Variants in ESRRG observed in about 807,000 individuals in gnomAD.
ESRRG encodes estrogen-related receptor gamma.
In ESRRG, 13 loss-of-function variants were observed where a neutral mutation model predicts 44.0. That is an observed-to-expected ratio of 0.30 (90% CI 0.19 to 0.47). The LOEUF (loss-of-function observed/expected upper bound fraction) is 0.47. ESRRG is among the 20% of genes least tolerant of loss of function. ESRRG has a pLI of 1.00. For synonymous variants in ESRRG, 215 were observed against 214.6 expected (o/e 1.00, Z -0.02); for missense variants, 395 against 580.6 (o/e 0.68, Z 3.29).
chr1:217,114,857 G>A (rs2092703362), intron 1 of ESRRG, among the ~76,000 whole-genome samples: 1 of 151,728 alleles, frequency 6.6e-6, no homozygotes, highest in Admixed American at 6.6e-5. Context: ...ATTTTTAGGG[G>A]TTTCACCATG....
intron 1 of ESRRG, among the ~76,000 whole-genome samples, chr1:217,016,374 G>A (rs2150859547): frequency 6.6e-6 from 1 of 151,896 alleles, no homozygotes; most frequent in South Asian, 2.1e-4. Context: ...TGTGATCTTG[G>A]GCAAGTAACA....
intron 1 of ESRRG, among the ~76,000 whole-genome samples, chr1:217,045,257 C>CA (rs571427407): frequency 2.0e-4 from 30 of 150,892 alleles, no homozygotes; most frequent in African/African-American, 5.6e-4. Flanking sequence ...CTAAAAGCAG[C>CA]AAAAAAAAAT....
At chr1:216,928,078 A>G (rs898187348) in intron 2 of ESRRG, among the ~76,000 whole-genome samples, 5 of 152,210 alleles carry the variant, frequency 3.3e-5, no homozygotes, top group African/African-American at 9.7e-5. Flanking sequence ...AGTCTTGACC[A>G]TGAGGGATTG....
At chr1:217,041,411 A>G (rs563331319) in intron 1 of ESRRG, among the ~76,000 whole-genome samples, 3 of 152,358 alleles carry the variant, frequency 2.0e-5, no homozygotes, top group African/African-American at 7.2e-5. Context: ...AAGAATGTCT[A>G]TAAACACACT....
intron 2 of ESRRG, among the ~76,000 whole-genome samples, chr1:216,656,924 G>T (rs1198341359): frequency 6.6e-6 from 1 of 152,084 alleles, no homozygotes; most frequent in Non-Finnish European, 1.5e-5. Context: ...AACATTAAGT[G>T]ATTTAAAAAT....
upstream of ESRRG, among the ~76,000 whole-genome samples, chr1:217,090,078 G>A (rs972491647): frequency 1.1e-4 from 17 of 152,050 alleles, no homozygotes; most frequent in African/African-American, 4.1e-4. Context: ...TTGCATTATT[G>A]CGTTTGCATA....
intron 2 of ESRRG, among the ~76,000 whole-genome samples, chr1:216,808,316 G>A (rs1048773943): frequency 2.0e-5 from 3 of 152,116 alleles, no homozygotes; most frequent in Non-Finnish European, 4.4e-5. Flanking sequence ...TACTTGGAAG[G>A]ACAAGACAAA....
intron 5 of ESRRG, among the ~76,000 whole-genome samples, chr1:216,538,607 G>C (rs2051722020): frequency 6.6e-6 from 1 of 152,030 alleles, no homozygotes; most frequent in Non-Finnish European, 1.5e-5. Flanking sequence ...GTTTGAGAGA[G>C]AAAACGCAGC....
intron 2 of ESRRG, among the ~76,000 whole-genome samples, chr1:216,752,081 T>A (rs548460260): frequency 6.6e-6 from 1 of 152,248 alleles, no homozygotes; most frequent in Non-Finnish European, 1.5e-5. Flanking sequence ...ATGTTTTCAT[T>A]CTAAGCTCAC....
At chr1:216,582,844 A>G (rs2063051894) in intron 3 of ESRRG, among the ~76,000 whole-genome samples, 1 of 152,196 alleles carries the variant, frequency 6.6e-6, no homozygotes, top group South Asian at 2.1e-4. Context: ...AAAGGATCCT[A>G]AATGCTTTTT....
At chr1:216,697,700 G>T (rs903305195) in intron 1 of ESRRG, among the ~76,000 whole-genome samples, 4 of 152,164 alleles carry the variant, frequency 2.6e-5, no homozygotes, top group African/African-American at 9.7e-5. Context: ...AAACTAACGA[G>T]GTTAGAGCCC....
At chr1:216,512,014 T>C (rs2042871159) in intron 6 of ESRRG, among the ~76,000 whole-genome samples, 1 of 152,148 alleles carries the variant, frequency 6.6e-6, no homozygotes, top group Non-Finnish European at 1.5e-5. Context: ...GTAACACTGG[T>C]AACCAAATAA....
chr1:216,780,891 A>G (rs2093909363), intron 2 of ESRRG, among the ~76,000 whole-genome samples: 1 of 152,068 alleles, frequency 6.6e-6, no homozygotes, highest in Non-Finnish European at 1.5e-5. Context: ...TGTTCACGAC[A>G]CAACTAAGTA....
intron 1 of ESRRG, among the ~76,000 whole-genome samples, chr1:217,031,427 G>T (rs2082045175): frequency 6.6e-6 from 1 of 152,212 alleles, no homozygotes; most frequent in Non-Finnish European, 1.5e-5. Flanking sequence ...CACACTCAAT[G>T]CTTACTTTTT....
intron 2 of ESRRG, among the ~76,000 whole-genome samples, chr1:216,843,193 G>GT (rs1209645038): frequency 6.6e-6 from 1 of 151,598 alleles, no homozygotes; most frequent in Non-Finnish European, 1.5e-5. Context: ...CCCAAGAAAG[G>GT]GGGCTAAGAA....
chr1:216,753,983 G>A (rs2092277265), intron 2 of ESRRG, among the ~76,000 whole-genome samples: 1 of 152,042 alleles, frequency 6.6e-6, no homozygotes, highest in Non-Finnish European at 1.5e-5. Context: ...TCCACTCAGT[G>A]TTATCAACTC....
At chr1:217,012,506 C>G (rs1281853699) in intron 1 of ESRRG, among the ~76,000 whole-genome samples, 1 of 152,102 alleles carries the variant, frequency 6.6e-6, no homozygotes, top group South Asian at 2.1e-4. Context: ...TATTAGAAAA[C>G]CCTTGTTTCG....
At chr1:216,592,402 C>T (rs1357172918) in intron 3 of ESRRG, among the ~76,000 whole-genome samples, 1 of 151,964 alleles carries the variant, frequency 6.6e-6, no homozygotes, top group Non-Finnish European at 1.5e-5. Flanking sequence ...GTAATATTAC[C>T]TCCAGTGGAT....
rs564089366 is a variant in ESRRG, at chr1:216,947,813, T to G, written c.-105-8140A>C. Among the ~76,000 whole-genome samples, 5 of 152,276 alleles carry G rather than the reference T, an allele frequency of 3.3e-5. No individual in the cohort carries two copies. The East Asian group carries it at 9.7e-4, about 29-fold the overall frequency. On this transcript the variant is annotated intron_variant, in intron 1 of 7. Coordinates refer to the ESRRG transcript ENST00000359162. ...GCTCCTTGACACACAGCTAACCATATTCCAGCCACTCTTAAGCTTATATAA... is the reference window on the plus strand; with the variant it reads ...GCTCCTTGACACACAGCTAACCATAGTCCAGCCACTCTTAAGCTTATATAA...
Sources: gnomAD v4.1 joint callset for allele counts (sites outside exome capture counted in the v4.1 genomes callset) on GRCh38, gnomAD v4.1.1 for gene constraint, MANE v1.5 for transcripts, NCBI Gene and HGNC (gene_info 2026-07-23, HGNC 2026-07-21) for gene names.